The following POLR3G variants were observed in gnomAD, a reference collection of about 807,000 sequenced individuals.
The protein encoded by POLR3G is DNA-directed RNA polymerase III subunit RPC7.
Under a neutral mutation model 30.1 loss-of-function variants are expected in POLR3G, and 28 were observed. The observed-to-expected ratio is 0.93, with a 90% confidence interval of 0.69 to 1.27. POLR3G has a LOEUF of 1.27. Among genes scored for constraint, POLR3G ranks in the 50% most tolerant of loss-of-function variants. POLR3G has a pLI of 0.00. For synonymous variants in POLR3G, 79 were observed against 82.5 expected (o/e 0.96, Z 0.23); for missense variants, 254 against 264.6 (o/e 0.96, Z 0.28).
upstream of POLR3G, chr5:90,474,261 G>T (rs889840918): frequency 1.9e-6 from 3 of 1,613,594 alleles, no homozygotes; most frequent in East Asian, 6.7e-5. Flanking sequence ...ATCGCCTAGA[G>T]ACTTGTGGGC....
In POLR3G at chr5:90,503,065, C is replaced by T. The variant is rs183941593; in HGVS notation, c.438+1077C>T. Among the ~76,000 whole-genome samples the T allele has an allele frequency of 2.9e-3, 444 of 152,192 alleles. 2 individuals are homozygous for T. Among genetic ancestry groups the T allele is most frequent in the African/African-American group, 0.01 (422 of 41,518 alleles). ...TATGGAGGTTATACCAATTTACTAC[C>T]GTTATCAATGCATGCATTGTCTTGC... On this transcript the variant is annotated intron_variant, in intron 6 of 7. Transcript: ENST00000651687.
intron 2 of POLR3G, 44 bp from the exon 3 acceptor site, chr5:90,487,956 A>G (rs1431805411): frequency 1.4e-6 from 2 of 1,463,760 alleles, no homozygotes; most frequent in East Asian, 2.4e-5. Flanking sequence ...ATATTAAAAT[A>G]CATAATTGAT....
rs765458616 is a variant in POLR3G, at chr5:90,488,027, A to T, written c.145A>T (p.Lys49Ter). 1 of 1,607,118 alleles carries T rather than the reference A, an allele frequency of 6.2e-7. No individual in the cohort carries two copies. The highest frequency in any genetic ancestry group is 8.5e-7 in the Non-Finnish European group (1 of 1,177,734). Residue 49 changes from lysine to a stop codon, truncating the protein, a stop_gained, in exon 3 of 8, where the codon AAA becomes TAA. Coordinates refer to ENST00000651687, the MANE Select transcript of POLR3G (RefSeq NM_006467.3). LOFTEE classifies it high-confidence loss of function. ...TACAGATTATAAACCAGTGCCACTG[A>T]AAACAGGAGAAGGTGAAGAATATAT... is the stretch of plus-strand genomic sequence containing the variant. ...PDTDYKPVPL[K>*]TGEGEEYMLA...
At chr5:90,476,086 A>C (rs1443260265) in intron 1 of POLR3G, among the ~76,000 whole-genome samples, 1 of 152,170 alleles carries the variant, frequency 6.6e-6, no homozygotes. Flanking sequence ...AAAAATGATA[A>C]AGAGACTCAT....
chr5:90,508,664 T>G (rs1752601835), intron 7 of POLR3G, among the ~76,000 whole-genome samples: 1 of 151,892 alleles, frequency 6.6e-6, no homozygotes, highest in African/African-American at 2.4e-5. Flanking sequence ...TAGAAGTAGC[T>G]TAAAGAAAGA....
At chr5:90,498,156 T>C (rs1212638704) in intron 5 of POLR3G, among the ~76,000 whole-genome samples, 1 of 149,694 alleles carries the variant, frequency 6.7e-6, no homozygotes, top group Non-Finnish European at 1.5e-5. Flanking sequence ...CCCCCATGTA[T>C]GTGTGTGTGT....
At chr5:90,492,457 G>C (rs909467851) in intron 3 of POLR3G, among the ~76,000 whole-genome samples, 5 of 152,304 alleles carry the variant, frequency 3.3e-5, no homozygotes, top group Non-Finnish European at 7.4e-5. Flanking sequence ...TGATTGAAAG[G>C]AAATTGATTA....
chr5:90,479,765 G>A (rs900795831), intron 1 of POLR3G, among the ~76,000 whole-genome samples: 20 of 152,132 alleles, frequency 1.3e-4, no homozygotes, highest in Admixed American at 7.2e-4. Flanking sequence ...GGAAAGACTG[G>A]TATTCAAGAC....
chr5:90,485,736 G>A, intron 2 of POLR3G, 52 bp downstream of exon 2: 1 of 1,334,684 alleles, frequency 7.5e-7, no homozygotes, highest in Middle Eastern at 1.8e-4. Flanking sequence ...ATTTTTCAGA[G>A]AATATTAAAA....
At chr5:90,501,860 G>A in intron 5 of POLR3G, 46 bp from the exon 6 acceptor site, 1 of 1,601,688 alleles carries the variant, frequency 6.2e-7, no homozygotes. Context: ...ATATAATACA[G>A]AGTTGCAGTT....
Position 90,488,130 on chromosome 5 carries a change from G to A in POLR3G, c.247+1G>A, listed in dbSNP as rs1188360511. 2.5e-6 allele frequency: 4 copies of A among 1,606,524 alleles called. No homozygotes were observed. The East Asian group carries it at 6.7e-5, about 27-fold the overall frequency. On this transcript the variant is annotated splice_donor_variant, in intron 3 of 7. Coordinates refer to ENST00000651687, the MANE Select transcript of POLR3G (RefSeq NM_006467.3). LOFTEE classifies it high-confidence loss of function. ...ATTGAAACACCTGAAGAAAGACAAG[G>A]TACTGTATTGGAGTCTTTGATTATG...
chr5:90,503,315 T>G (rs1428531106), intron 6 of POLR3G, among the ~76,000 whole-genome samples: 1 of 152,230 alleles, frequency 6.6e-6, no homozygotes. Flanking sequence ...CTCATATTTT[T>G]ATTTTATTAT....
chr5:90,504,210 A>G (rs1204388268), intron 6 of POLR3G, among the ~76,000 whole-genome samples: 2 of 152,076 alleles, frequency 1.3e-5, no homozygotes, highest in Admixed American at 1.3e-4. Flanking sequence ...TGAGGTAGCA[A>G]TAATAGAAAT....
rs1466438203 is a variant in POLR3G, at chr5:90,514,112, T to C, written c.*1973T>C. The C allele has an allele frequency of 6.6e-6, 1 of 152,328 alleles. No individual in the cohort carries two copies. The highest frequency in any genetic ancestry group is 1.9e-4 in the East Asian group (1 of 5,184). The allele number at this position is 152,328 out of a possible 1,614,324, so 9.4% of individuals were successfully genotyped here. Reference sequence around the variant, plus strand: ...ACTCTGGGAGGTACCGTTAAGAGCCTTCTTTCCCCCTTTGAAAGATCCTTT... The same window carrying C: ...ACTCTGGGAGGTACCGTTAAGAGCCCTCTTTCCCCCTTTGAAAGATCCTTT... On this transcript the variant is annotated 3_prime_UTR_variant, in exon 8 of 8. Transcript: ENST00000651687.
intron 5 of POLR3G, among the ~76,000 whole-genome samples, chr5:90,498,326 T>C (rs546192096): frequency 6.6e-6 from 1 of 152,314 alleles, no homozygotes; most frequent in Admixed American, 6.5e-5. Flanking sequence ...TTATTTTAGA[T>C]ACAGGGGTAC....
chr5:90,509,009 T>C (rs1307937438), intron 7 of POLR3G, among the ~76,000 whole-genome samples: 1 of 152,172 alleles, frequency 6.6e-6, no homozygotes, highest in Admixed American at 6.5e-5. Flanking sequence ...CGCAGTGAGC[T>C]GAGATCGTGC....
At chr5:90,491,334 C>T (rs773061207) in intron 3 of POLR3G, among the ~76,000 whole-genome samples, 2 of 152,096 alleles carry the variant, frequency 1.3e-5, no homozygotes, top group Non-Finnish European at 2.9e-5. Flanking sequence ...GTTCCTGAAC[C>T]ACAGGGTCCT....
At chr5:90,495,873 G>C in intron 4 of POLR3G, 140 bp downstream of exon 4, 1 of 1,152,246 alleles carries the variant, frequency 8.7e-7, no homozygotes, top group South Asian at 2.2e-5. Flanking sequence ...TTAGTAATCT[G>C]TTAGAAACTA....
chr5:90,485,576 G>T lies in POLR3G; in HGVS notation c.9G>T (p.Gly3=). MA[G]NKGRGRAAYT... ...TGGTATAACTGGTTCTGATGGCTGG[G>T]AATAAAGGAAGAGGACGTGCTGCTT... is the stretch of plus-strand genomic sequence containing the variant. Residue 3 remains glycine (G), a synonymous_variant, in exon 2 of 8, where the codon GGG becomes GGT. Transcript: ENST00000651687. The T allele has an allele frequency of 1.9e-6, 3 of 1,612,566 alleles. No homozygotes were observed. Among genetic ancestry groups the T allele is most frequent in the South Asian group, 2.2e-5 (2 of 90,790 alleles).
Sources: allele counts gnomAD v4.1 joint callset (sites outside exome capture counted in the v4.1 genomes callset), GRCh38; gene constraint gnomAD v4.1.1; transcripts MANE v1.5; gene names NCBI Gene and HGNC (gene_info 2026-07-23, HGNC 2026-07-21).